Variants in KRT7 observed in about 807,000 individuals in gnomAD.
KRT7 encodes the protein keratin, type II cytoskeletal 7.
In KRT7, 50 loss-of-function variants were observed where a neutral mutation model predicts 42.8. The observed-to-expected ratio is 1.17, with a 90% CI of 0.93 to 1.48. The LOEUF (loss-of-function observed/expected upper bound fraction) is 1.48, where lower values mean the gene tolerates loss of function less well. Ranked by LOEUF, KRT7 falls within the 40% of genes most tolerant of loss-of-function variation. The probability of loss-of-function intolerance (pLI) is 0.00; values close to 1 mark genes in which losing one functional copy is unlikely to be tolerated. For synonymous variants in KRT7, 268 were observed against 266.3 expected (o/e 1.01, Z -0.06); for missense variants, 588 against 637.6 (o/e 0.92, Z 0.84).
chr12:52,245,864 T>C (rs1182420392), intron 7 of KRT7: 1 of 582,958 alleles, frequency 1.7e-6, no homozygotes, highest in African/African-American at 1.9e-5. Context: ...ATGATAACAG[T>C]CCCTTTGTGT....
downstream of KRT7, chr12:52,252,393 T>G (rs758507861): frequency 6.2e-7 from 1 of 1,614,132 alleles, no homozygotes; most frequent in Non-Finnish European, 8.5e-7. Context: ...CAGGGCACCC[T>G]CCAGCTCGGC....
chr12:52,233,701 G>C, intron 1 of KRT7, 81 bp downstream of exon 1: 14 of 1,423,590 alleles, frequency 9.8e-6, no homozygotes, highest in Non-Finnish European at 1.3e-5. Context: ...GCCTGCGCGC[G>C]GGCCAGGCGC....
chr12:52,249,414 T>C, downstream of KRT7: 1 of 152,620 alleles, frequency 6.6e-6, no homozygotes, highest in Non-Finnish European at 1.5e-5. Context: ...CCTCTGCATC[T>C]TGAATTCTGT....
chr12:52,252,356 G>T, downstream of KRT7: 1 of 1,614,062 alleles, frequency 6.2e-7, no homozygotes, highest in Non-Finnish European at 8.5e-7. Context: ...CCCTGATCAG[G>T]CAGGCCATGT....
In KRT7 at chr12:52,233,536, C is replaced by G; in HGVS notation, c.240C>G (p.Ala80=). The change falls in exon 1 of 9, where the codon GCC becomes GCG. Residue 80 remains alanine, a synonymous_variant. Coordinates refer to ENST00000331817, the MANE Select transcript of KRT7 (RefSeq NM_005556.4). ...TGCTGGCCCCGCTGCGGCTGGACGC[C>G]GACCCCTCCCTCCAGCGGGTGCGCC... ...QSLLAPLRLD[A]DPSLQRVRQE... 6.2e-7 allele frequency: 1 copy of G among 1,613,234 alleles called. No homozygotes were observed. Among genetic ancestry groups the G allele is most frequent in the Non-Finnish European group, 8.5e-7 (1 of 1,179,832 alleles).
rs932574616 is a variant in KRT7 at position 52,233,419 on chromosome 12, C to T, written c.123C>T (p.Gly41=). Reference sequence around the variant, plus strand: ...GCCTTGGCAGCAGCAGCCTCTACGGCCTCGGCGCCTCACGGCCGCGCGTGG... The same window carrying T: ...GCCTTGGCAGCAGCAGCCTCTACGGTCTCGGCGCCTCACGGCCGCGCGTGG... ...PGGLGSSSLY[G]LGASRPRVAV... is the part of the protein sequence containing the mutation. The change falls in exon 1 of 9, where the codon GGC becomes GGT. Residue 41 remains glycine (G), a synonymous_variant. Transcript: ENST00000331817. 6.4e-7 allele frequency: 1 copy of T among 1,556,774 alleles called. No homozygotes were observed. Among genetic ancestry groups the T allele is most frequent in the Non-Finnish European group, 8.6e-7 (1 of 1,158,826 alleles).
downstream of KRT7, among the ~76,000 whole-genome samples, chr12:52,250,828 T>C (rs1942255163): frequency 6.6e-6 from 1 of 152,240 alleles, no homozygotes; most frequent in Non-Finnish European, 1.5e-5. Flanking sequence ...GACATAGCCA[T>C]GCTTCGCCTC....
downstream of KRT7, among the ~76,000 whole-genome samples, chr12:52,251,380 G>A (rs574923334): frequency 3.3e-5 from 5 of 152,322 alleles, no homozygotes; most frequent in African/African-American, 9.6e-5. Context: ...GGTAGCTGAT[G>A]AGCTTTAAAA....
In KRT7 at chr12:52,235,148, G is replaced by C. The variant is rs774359240; in HGVS notation, c.325-7G>C. The C allele has an allele frequency of 3.1e-6, 5 of 1,613,716 alleles. No homozygotes were observed. Among genetic ancestry groups the C allele is most frequent in the African/African-American group, 1.3e-5 (1 of 74,932 alleles). On this transcript the variant is annotated splice_polypyrimidine_tract_variant and splice_region_variant and intron_variant, in intron 1 of 8. Transcript: ENST00000331817. ...CTCTTGAGTTTCCTCCTTCTCGCCC[G>C]TTCTAGGTGCGGTTTCTGGAGCAGC...
chr12:52,243,313 T>A, intron 6 of KRT7, 176 bp downstream of exon 6: 2 of 703,398 alleles, frequency 2.8e-6, no homozygotes, highest in Non-Finnish European at 2.3e-6. Flanking sequence ...GGTCCTGGCA[T>A]GGGCTGATGG....
chr12:52,239,636 A>G (rs1443348132), intron 4 of KRT7, among the ~76,000 whole-genome samples: 1 of 152,032 alleles, frequency 6.6e-6, no homozygotes, highest in Non-Finnish European at 1.5e-5. Context: ...ACTGGAAGGA[A>G]CCAGGAGGAG....
At chr12:52,241,657 T>C (rs779668950) in intron 5 of KRT7, 21 bp downstream of exon 5, 1 of 1,590,392 alleles carries the variant, frequency 6.3e-7, no homozygotes, top group Non-Finnish European at 8.6e-7. Flanking sequence ...ACCAGGGGCG[T>C]ATTTCCTCCT....
Position 52,238,715 on chromosome 12 carries a change from G to A in KRT7, c.633G>A (p.Leu211=). The change falls in exon 4 of 9, where the codon CTG becomes CTA. Residue 211 remains leucine, a synonymous_variant. Coordinates refer to ENST00000331817, the MANE Select transcript of KRT7 (RefSeq NM_005556.4). The stretch of plus-strand genomic sequence containing the variant: ...CTGCCTACATGAGCAAGGTGGAGCT[G>A]GAGGCCAAGGTGGATGCCCTGAATG... ...VDAAYMSKVE[L]EAKVDALNDE... 1 of 1,614,066 alleles carries A rather than the reference G, an allele frequency of 6.2e-7. No homozygotes were observed. The highest frequency in any genetic ancestry group is 2.2e-5 in the East Asian group (1 of 44,884).
Position 52,237,611 on chromosome 12 carries a change from A to ATG in KRT7, c.597+43_597+44dup, listed in dbSNP as rs35064822. On this transcript the variant is annotated intron_variant, in intron 3 of 8. Transcript: ENST00000331817. The stretch of plus-strand genomic sequence containing the variant: ...GGCTCGAGGAGGGTTGTCTGAAAAC[A>ATG]TGGGACAAAGGACCACAGGATCCTC... The ATG allele has an allele frequency of 2.8e-6, 4 of 1,404,628 alleles. No homozygotes were observed. In the African/African-American group the frequency reaches 9.3e-5, roughly 33 times the overall value. The allele number at this position is 1,404,628 out of a possible 1,614,324, so 87.0% of individuals were successfully genotyped here.
Position 52,241,479 on chromosome 12 carries a change from C to T in KRT7, c.701C>T (p.Thr234Ile). The change falls in exon 5 of 9, where the codon ACA (threonine) becomes ATA (isoleucine). Residue 234 changes from threonine (T) to isoleucine (I), a missense_variant. Thr to Ile is a moderately conservative substitution (Grantham distance 89). Coordinates refer to ENST00000331817, the MANE Select transcript of KRT7 (RefSeq NM_005556.4). ...CCCGTCTGGTCCCTACAGGAGTTGA[C>T]AGAGCTGCAGTCCCAGATCTCCGAC... ...FLRTLNETEL[T>I]ELQSQISDTS... is the part of the protein sequence containing the mutation. The T allele has an allele frequency of 6.2e-7, 1 of 1,610,806 alleles. No individual in the cohort carries two copies. The highest frequency in any genetic ancestry group is 8.5e-7 in the Non-Finnish European group (1 of 1,178,196).
chr12:52,233,521 G>T lies in KRT7; in HGVS notation c.225G>T (p.Pro75=). 6.2e-7 allele frequency: 1 copy of T among 1,612,992 alleles called. No homozygotes were observed. The change falls in exon 1 of 9, where the codon CCG becomes CCT. Residue 75 remains proline (P), a synonymous_variant. Coordinates refer to ENST00000331817, the MANE Select transcript of KRT7 (RefSeq NM_005556.4). ...EVTINQSLLA[P]LRLDADPSLQ... ...CCATTAACCAGAGCCTGCTGGCCCCGCTGCGGCTGGACGCCGACCCCTCCC... is the reference window on the plus strand; with the variant it reads ...CCATTAACCAGAGCCTGCTGGCCCCTCTGCGGCTGGACGCCGACCCCTCCC...
intron 3 of KRT7, 104 bp downstream of exon 3, chr12:52,237,673 C>T: frequency 1.2e-6 from 1 of 851,676 alleles, no homozygotes; most frequent in Non-Finnish European, 1.9e-6. Context: ...TGGCCAAGGC[C>T]TGCCTGAGCT....
rs768007972 is a variant in KRT7, at chr12:52,243,020, C to T, written c.867C>T (p.Thr289=). 2 of 1,612,736 alleles carry T rather than the reference C, an allele frequency of 1.2e-6. No homozygotes were observed. The highest frequency in any genetic ancestry group is 1.7e-5 in the Admixed American group (1 of 59,878). ...AEAWYQTKFE[T]LQAQAGKHGD... is the part of the protein sequence containing the mutation. ...CTGTATGGCCCCTCCAGTTTGAGAC[C>T]CTCCAGGCCCAGGCTGGGAAGCATG... Residue 289 remains threonine, a synonymous_variant, in exon 6 of 9, where the codon ACC becomes ACT. Transcript: ENST00000331817.
At chr12:52,251,066 G>C (rs1942260087), downstream of KRT7, among the ~76,000 whole-genome samples, 1 of 152,134 alleles carries the variant, frequency 6.6e-6, no homozygotes, top group African/African-American at 2.4e-5. Flanking sequence ...TGCAACCTCT[G>C]CCTCCTGGGT....
Sources: allele counts gnomAD v4.1 joint callset (sites outside exome capture counted in the v4.1 genomes callset), GRCh38; gene constraint gnomAD v4.1.1; transcripts MANE v1.5; gene names NCBI Gene and HGNC (gene_info 2026-07-23, HGNC 2026-07-21).